SPACA7: variants seen among roughly 807,000 people sequenced by gnomAD.
SPACA7 encodes the protein sperm acrosome associated 7, also known as sperm acrosome-associated protein 7.
In SPACA7, 19 loss-of-function variants were observed where a neutral mutation model predicts 26.3. The ratio of observed to expected loss-of-function variants is 0.72; its 90% CI spans 0.50 to 1.06. SPACA7 has a LOEUF of 1.06. SPACA7 is among the 50% of genes least tolerant of loss of function. The probability of loss-of-function intolerance (pLI) is 0.00; values close to 1 mark genes in which losing one functional copy is unlikely to be tolerated. For missense variants in SPACA7, 211 were observed against 229.9 expected (o/e 0.92, Z 0.53); for synonymous variants, 84 against 84.5 (o/e 0.99, Z 0.04).
At chr13:112,412,366 G>C (rs1398369378) in intron 5 of SPACA7, among the ~76,000 whole-genome samples, 1 of 150,970 alleles carries the variant, frequency 6.6e-6, no homozygotes, top group Non-Finnish European at 1.5e-5. Context: ...TTGATTTCTT[G>C]TCAGATGGAT....
intron 5 of SPACA7, among the ~76,000 whole-genome samples, chr13:112,428,034 T>G (rs570262375): frequency 3.4e-4 from 52 of 152,288 alleles, no homozygotes; most frequent in African/African-American, 1.2e-3. Context: ...TTTCTTCTCT[T>G]AACATTATTT....
At chr13:112,378,573 C>T (rs1237400734) in intron 1 of SPACA7, 1 of 394,594 alleles carries the variant, frequency 2.5e-6, no homozygotes, top group Non-Finnish European at 5.3e-6. Flanking sequence ...CTAGGAAGCC[C>T]AGCCAAAAAC....
At chr13:112,425,015 G>C (rs1259636602) in intron 5 of SPACA7, among the ~76,000 whole-genome samples, 1 of 152,206 alleles carries the variant, frequency 6.6e-6, no homozygotes, top group Non-Finnish European at 1.5e-5. Flanking sequence ...CCTTATTTGA[G>C]CAGAGGACTG....
chr13:112,417,084 G>T (rs1335056413), intron 5 of SPACA7, among the ~76,000 whole-genome samples: 2 of 151,492 alleles, frequency 1.3e-5, no homozygotes. Context: ...TTTTATCTTT[G>T]AAATCTAATG....
At chr13:112,434,366 C>T (rs1301510486) in intron 6 of SPACA7, 119 bp from the exon 7 acceptor site, 3 of 814,002 alleles carry the variant, frequency 3.7e-6, no homozygotes, top group African/African-American at 1.7e-5. Context: ...GGGCTCTCCC[C>T]TCCCTCCACA....
At position 112,410,196 on chromosome 13, in the gene SPACA7, T is replaced by A. The variant is rs145738770; in HGVS notation, c.445+9032T>A. Among the ~76,000 whole-genome samples, 214 of 151,994 alleles carry A rather than the reference T, an allele frequency of 1.4e-3. 1 individual carries two copies. Among genetic ancestry groups the A allele is most frequent in the African/African-American group, 4.6e-3 (191 of 41,446 alleles). On this transcript the variant is annotated intron_variant, in intron 5 of 6. Transcript: ENST00000283550. ...ACACTTGGACACAGGAAGGGAAATA[T>A]CAGATGCTGGGGCCTGTGATGGGGT...
intron 5 of SPACA7, among the ~76,000 whole-genome samples, chr13:112,411,948 A>T (rs1886380760): frequency 6.6e-6 from 1 of 151,998 alleles, no homozygotes; most frequent in Non-Finnish European, 1.5e-5. Context: ...GCTTTCTTTT[A>T]GACATATACC....
intron 3 of SPACA7, among the ~76,000 whole-genome samples, chr13:112,398,366 G>T (rs1042225695): frequency 1.3e-5 from 2 of 151,954 alleles, no homozygotes; most frequent in Non-Finnish European, 2.9e-5. Flanking sequence ...TTTACTCTGG[G>T]ATCTCTGGAG....
intron 5 of SPACA7, among the ~76,000 whole-genome samples, chr13:112,431,888 G>C (rs1280590418): frequency 6.6e-6 from 1 of 152,194 alleles, no homozygotes; most frequent in Non-Finnish European, 1.5e-5. Context: ...GGCCGGTTTG[G>C]GGGGACTTGG....
chr13:112,378,992 T>C (rs1475976863), intron 1 of SPACA7, among the ~76,000 whole-genome samples: 1 of 152,250 alleles, frequency 6.6e-6, no homozygotes, highest in Admixed American at 6.5e-5. Flanking sequence ...TTTTTGTTTA[T>C]GAAAGTGTAA....
chr13:112,391,693 T>C (rs1763752330), intron 1 of SPACA7, among the ~76,000 whole-genome samples: 1 of 152,182 alleles, frequency 6.6e-6, no homozygotes, highest in Non-Finnish European at 1.5e-5. Context: ...CCCAAATATT[T>C]TACTCCACAT....
intron 1 of SPACA7, among the ~76,000 whole-genome samples, chr13:112,390,451 G>GTGTT (rs112648380): frequency 0.066 from 10,057 of 152,248 alleles, 393 homozygotes; most frequent in Non-Finnish European, 0.07. Flanking sequence ...AAAAATGGCA[G>GTGTT]TGTTAGCACA....
chr13:112,384,295 T>A (rs1884392859), intron 1 of SPACA7, among the ~76,000 whole-genome samples: 2 of 152,072 alleles, frequency 1.3e-5, no homozygotes, highest in African/African-American at 4.8e-5. Flanking sequence ...ATTTGTTACC[T>A]CTGTATCACA....
At chr13:112,434,290 G>A (rs1206924889) in intron 6 of SPACA7, among the ~76,000 whole-genome samples, 195 bp from the exon 7 acceptor site, 2 of 152,182 alleles carry the variant, frequency 1.3e-5, no homozygotes, top group African/African-American at 4.8e-5. Context: ...CCCGCAGGGA[G>A]AGCCAAAGGC....
chr13:112,413,449 C>T (rs1485201228), intron 5 of SPACA7, among the ~76,000 whole-genome samples: 3 of 151,538 alleles, frequency 2.0e-5, no homozygotes, highest in African/African-American at 7.3e-5. Context: ...AAGTCTGCTG[C>T]CAGATGTATC....
At chr13:112,424,790 T>C (rs1315014141) in intron 5 of SPACA7, among the ~76,000 whole-genome samples, 1 of 151,930 alleles carries the variant, frequency 6.6e-6, no homozygotes, top group Admixed American at 6.6e-5. Context: ...GGTGGCATGG[T>C]CTCCTGGGCT....
Position 112,393,087 on chromosome 13 carries a change from C to T in SPACA7, c.151+10C>T. The T allele has an allele frequency of 1.2e-6, 2 of 1,611,036 alleles. No individual in the cohort carries two copies. The highest frequency in any genetic ancestry group is 1.1e-5 in the South Asian group (1 of 90,700). On this transcript the variant is annotated intron_variant, in intron 2 of 6. Coordinates refer to ENST00000283550, the MANE Select transcript of SPACA7 (RefSeq NM_145248.5). ...ATGTCTGAATTATTAGGTAAGGAAG[C>T]CCCTCCTATCAACCTCTGGCCTGTA...
At chr13:112,417,725 G>T (rs1348677013) in intron 5 of SPACA7, among the ~76,000 whole-genome samples, 1 of 152,090 alleles carries the variant, frequency 6.6e-6, no homozygotes. Flanking sequence ...GTCTTACAGT[G>T]GAGTTGCTTA....
At chr13:112,414,386 G>GTTTTTTTTT (rs1850535010) in intron 5 of SPACA7, among the ~76,000 whole-genome samples, 1 of 69,878 alleles carries the variant, frequency 1.4e-5, no homozygotes, top group African/African-American at 4.7e-5. Context: ...GCTTTTCTGT[G>GTTTTTTTTT]TCTTTTTTTT....
Sources: allele counts gnomAD v4.1 joint callset (sites outside exome capture counted in the v4.1 genomes callset), GRCh38; gene constraint gnomAD v4.1.1; transcripts MANE v1.5; gene names NCBI Gene and HGNC (gene_info 2026-07-23, HGNC 2026-07-21).